The following ITGB6 variants were observed in gnomAD, a reference collection of about 807,000 sequenced individuals.
ITGB6 encodes the protein integrin subunit beta 6.
In ITGB6, 80 loss-of-function variants were observed where a neutral mutation model predicts 84.5. The ratio of observed to expected loss-of-function variants is 0.95; its 90% CI spans 0.79 to 1.14. The LOEUF (loss-of-function observed/expected upper bound fraction) is 1.14, where lower values mean the gene tolerates loss of function less well. ITGB6 is among the 50% of genes most tolerant of loss of function. ITGB6 has a pLI of 0.00. For synonymous variants in ITGB6, 383 were observed against 354.9 expected, an observed-to-expected ratio of 1.08 and a Z score of -0.89; for missense variants, 1,006 against 968.0, an observed-to-expected ratio of 1.04 and a Z score of -0.52.
At chr2:160,113,257 A>G (rs1051463291) in intron 12 of ITGB6, among the ~76,000 whole-genome samples, 4 of 152,230 alleles carry the variant, frequency 2.6e-5, no homozygotes, top group African/African-American at 9.6e-5. Flanking sequence ...AAAAATAAAA[A>G]CATTAATAAA....
intron 7 of ITGB6, among the ~76,000 whole-genome samples, chr2:160,145,201 A>T (rs1684143540): frequency 6.6e-6 from 1 of 152,184 alleles, no homozygotes; most frequent in Non-Finnish European, 1.5e-5. Context: ...ACTCTAAAAG[A>T]TGGTGCTTGG....
chr2:160,116,942 T>A (rs1682802845), intron 12 of ITGB6, among the ~76,000 whole-genome samples: 2 of 151,556 alleles, frequency 1.3e-5, no homozygotes, highest in African/African-American at 4.9e-5. Context: ...GGTAAAGGGA[T>A]CAATTCAACA....
chr2:160,138,078 T>G lies in ITGB6; in HGVS notation c.1229A>C (p.Lys410Thr). The change falls in exon 9 of 15, where the codon AAA becomes ACA. Residue 410 changes from lysine to threonine, a missense_variant. By Grantham distance (78) the Lys-to-Thr change is moderately conservative (BLOSUM62 -1). Transcript: ENST00000283249. ...FQHQKKCSHMKVGDTASFSVT... is the reference protein window; with the variant it reads ...FQHQKKCSHMTVGDTASFSVT... ...CCAGCTACTTACTGTGTCTCCCACT[T>G]TCATGTGAGAGCATTTCTTTTGGTG... 6.2e-7 allele frequency: 1 copy of G among 1,612,834 alleles called. No homozygotes were observed. Among genetic ancestry groups the G allele is most frequent in the Non-Finnish European group, 8.5e-7 (1 of 1,179,596 alleles).
intron 12 of ITGB6, among the ~76,000 whole-genome samples, chr2:160,119,285 C>T (rs146702539): frequency 0.29 from 44,774 of 151,842 alleles, 8,251 homozygotes; most frequent in Non-Finnish European, 0.41. Context: ...GCTACAGTAA[C>T]CAAAACAGCA....
intron 7 of ITGB6, among the ~76,000 whole-genome samples, chr2:160,155,003 G>A (rs2105844160): frequency 6.6e-6 from 1 of 152,222 alleles, no homozygotes; most frequent in South Asian, 2.1e-4. Flanking sequence ...CATGAGATCT[G>A]GTTGTTTAAA....
In ITGB6 at chr2:160,196,288, C is replaced by T. The variant is rs200784593; in HGVS notation, c.274G>A (p.Val92Ile). The change falls in exon 3 of 15, where the codon GTA (valine) becomes ATA (isoleucine). Residue 92 changes from valine to isoleucine, a missense_variant. Physicochemically the swap from Val to Ile is conservative, Grantham distance 29 (BLOSUM62 3). Coordinates refer to ENST00000283249, the MANE Select transcript of ITGB6 (RefSeq NM_000888.5). ...VEILKNKPLS[V>I]GRQKNSSDIV... The stretch of plus-strand genomic sequence containing the variant: ...TCAGAACTATTTTTCTGTCTGCCTA[C>T]ACTGAGAGGCTTATTTTTAAGTATT... 7 of 1,614,042 alleles carry T rather than the reference C, an allele frequency of 4.3e-6. No homozygotes were observed. In the East Asian group the frequency reaches 1.6e-4, roughly 36 times the overall value.
intron 14 of ITGB6, among the ~76,000 whole-genome samples, chr2:160,105,345 C>A (rs1197255946): frequency 6.6e-6 from 1 of 152,028 alleles, no homozygotes; most frequent in African/African-American, 2.4e-5. Flanking sequence ...TGAGGGAGAA[C>A]AATTCATGTT....
chr2:160,181,622 C>G (rs1685675499), intron 4 of ITGB6, among the ~76,000 whole-genome samples: 1 of 152,234 alleles, frequency 6.6e-6, no homozygotes, highest in Non-Finnish European at 1.5e-5. Context: ...TCTCCCAGCA[C>G]AGTGCTTGAG....
intron 12 of ITGB6, among the ~76,000 whole-genome samples, chr2:160,122,733 G>A (rs1481062728): frequency 6.6e-6 from 1 of 152,160 alleles, no homozygotes; most frequent in African/African-American, 2.4e-5. Context: ...CCTCCATATA[G>A]GGTAATCCAA....
chr2:160,156,450 G>A (rs1483631371), intron 7 of ITGB6, among the ~76,000 whole-genome samples: 2 of 152,138 alleles, frequency 1.3e-5, no homozygotes, highest in African/African-American at 4.8e-5. Flanking sequence ...CAAGGCTCTC[G>A]AAGAGACCTT....
chr2:160,163,095 A>T (rs1439680864), intron 7 of ITGB6, among the ~76,000 whole-genome samples: 1 of 152,146 alleles, frequency 6.6e-6, no homozygotes, highest in Non-Finnish European at 1.5e-5. Flanking sequence ...AGTGTTCCCT[A>T]GCTGTGTGGC....
chr2:160,187,310 T>G (rs1559222937), intron 4 of ITGB6, among the ~76,000 whole-genome samples: 1 of 152,080 alleles, frequency 6.6e-6, no homozygotes, highest in Non-Finnish European at 1.5e-5. Context: ...GTTAAAAAAA[T>G]CCATTCAAAA....
rs577593013 is a variant in ITGB6 at position 160,134,674 on chromosome 2, G to A, written c.1660+2760C>T. On this transcript the variant is annotated intron_variant, in intron 10 of 14. Coordinates refer to ENST00000283249, the MANE Select transcript of ITGB6 (RefSeq NM_000888.5). ...ATCCTCAATAAAATACTGGCAAACC[G>A]AATCCAGCTGCACATCAAAAAGCTT... Among the ~76,000 whole-genome samples the A allele has an allele frequency of 1.4e-4, 22 of 152,286 alleles. No homozygotes were observed. The South Asian group carries it at 3.9e-3, about 27-fold the overall frequency.
At chr2:160,144,758 C>T (rs1684129484) in intron 7 of ITGB6, among the ~76,000 whole-genome samples, 1 of 152,160 alleles carries the variant, frequency 6.6e-6, no homozygotes, top group African/African-American at 2.4e-5. Context: ...CATCCACTTC[C>T]TAAAACATAA....
chr2:160,154,932 A>C (rs1192827943), intron 7 of ITGB6, among the ~76,000 whole-genome samples: 2 of 152,132 alleles, frequency 1.3e-5, no homozygotes, highest in Non-Finnish European at 2.9e-5. Flanking sequence ...GCCTGGTTGG[A>C]GGTGAATGGA....
At chr2:160,116,865 T>C (rs1448799409) in intron 12 of ITGB6, among the ~76,000 whole-genome samples, 22 of 150,898 alleles carry the variant, frequency 1.5e-4, no homozygotes, top group East Asian at 1.9e-4. Flanking sequence ...GTTGCAATCC[T>C]AGTCTCTGAT....
rs760973865 is a variant in ITGB6, at chr2:160,172,615, A to G, written c.875T>C (p.Leu292Pro). The G allele has an allele frequency of 3.1e-6, 5 of 1,611,722 alleles. No homozygotes were observed. Among genetic ancestry groups the G allele is most frequent in the Non-Finnish European group, 4.2e-6 (5 of 1,178,000 alleles). ...LAGIVIPNDG[L>P]CHLDSKNEYS... Reference sequence around the variant, plus strand: ...TTCATTCTTGCTGTCCAAGTGACAGAGCCCGTCATTAGGAATGACGATGCC... The same window carrying G: ...TTCATTCTTGCTGTCCAAGTGACAGGGCCCGTCATTAGGAATGACGATGCC... The change falls in exon 6 of 15, where the codon CTC becomes CCC. Residue 292 changes from leucine to proline, a missense_variant. Coordinates refer to ENST00000283249, the MANE Select transcript of ITGB6 (RefSeq NM_000888.5).
intron 12 of ITGB6, among the ~76,000 whole-genome samples, chr2:160,113,632 A>G (rs763713055): frequency 2.0e-5 from 3 of 152,232 alleles, no homozygotes; most frequent in Non-Finnish European, 4.4e-5. Context: ...AGTTTTGAAA[A>G]TGTAGATTCT....
At chr2:160,196,152 G>T in intron 3 of ITGB6, 64 bp downstream of exon 3, 1 of 1,307,322 alleles carries the variant, frequency 7.6e-7, no homozygotes, top group Non-Finnish European at 1.1e-6. Context: ...AGACACATTA[G>T]CAAGGTAGCA....
Sources: gnomAD v4.1 joint callset for allele counts (sites outside exome capture counted in the v4.1 genomes callset) on GRCh38, gnomAD v4.1.1 for gene constraint, MANE v1.5 for transcripts, NCBI Gene and HGNC (gene_info 2026-07-23, HGNC 2026-07-21) for gene names.